Variants in IQGAP1 observed in about 807,000 individuals in gnomAD.
IQGAP1 encodes ras GTPase-activating-like protein IQGAP1.
Under a neutral mutation model 215.6 loss-of-function variants are expected in IQGAP1, and 66 were observed. That is an observed-to-expected ratio of 0.31 (90% confidence interval 0.25 to 0.38). The LOEUF is 0.38. Ranked by LOEUF, IQGAP1 falls within the 10% of genes least tolerant of loss-of-function variation. The pLI is 1.00. For missense variants in IQGAP1, 1,712 were observed against 1,997.1 expected (o/e 0.86, Z 2.72); for synonymous variants, 772 against 728.7 (o/e 1.06, Z -0.96).
chr15:90,390,840 A>G lies in IQGAP1; in HGVS notation c.122A>G (p.Tyr41Cys). Residue 41 changes from tyrosine (Y) to cysteine (C), a missense_variant, in exon 2 of 38, where the codon TAT becomes TGT. Physicochemically the swap from Tyr to Cys is radical, Grantham distance 194. Coordinates refer to ENST00000268182, the MANE Select transcript of IQGAP1 (RefSeq NM_003870.4). Reference sequence around the variant, plus strand: ...GAAAGGAGACGTCAGAACGTGGCTTATGAGTACCTTTGTCATTTGGAAGAA... The same window carrying G: ...GAAAGGAGACGTCAGAACGTGGCTTGTGAGTACCTTTGTCATTTGGAAGAA... ...MDERRRQNVAYEYLCHLEEAK... is the reference protein window; with the variant it reads ...MDERRRQNVACEYLCHLEEAK... The G allele has an allele frequency of 6.2e-7, 1 of 1,612,642 alleles. No individual in the cohort carries two copies. The highest frequency in any genetic ancestry group is 2.2e-5 in the East Asian group (1 of 44,878).
chr15:90,394,566 C>T (rs143721178), intron 2 of IQGAP1, among the ~76,000 whole-genome samples: 6 of 152,234 alleles, frequency 3.9e-5, no homozygotes, highest in African/African-American at 7.2e-5. Context: ...TTTCTCCTAC[C>T]TTGGTGAACC....
At chr15:90,400,632 T>A (rs1964791900) in intron 2 of IQGAP1, among the ~76,000 whole-genome samples, 1 of 152,162 alleles carries the variant, frequency 6.6e-6, no homozygotes, top group Non-Finnish European at 1.5e-5. Flanking sequence ...CCAGTCAAGG[T>A]TGGGGAAAAA....
Position 90,428,212 on chromosome 15 carries a change from A to G in IQGAP1, c.313-1377A>G, listed in dbSNP as rs77148867. 8.6e-3 allele frequency among the ~76,000 whole-genome samples: 1,303 copies of G among 152,078 alleles called. 37 individuals are homozygous for G. The East Asian group carries it at 0.11, about 12-fold the overall frequency. ...CTCAGCCTCCCTAGTAGTTGGGACT[A>G]TGGGAGCATGCTACTACACCAGGCT... is the stretch of plus-strand genomic sequence containing the variant. On this transcript the variant is annotated intron_variant, in intron 3 of 37. Coordinates refer to ENST00000268182, the MANE Select transcript of IQGAP1 (RefSeq NM_003870.4).
At chr15:90,474,836 T>A in intron 23 of IQGAP1, 143 bp downstream of exon 23, 1 of 625,282 alleles carries the variant, frequency 1.6e-6, no homozygotes, top group East Asian at 2.8e-5. Flanking sequence ...TTCTTTTGAC[T>A]GAGTCTCACT....
intron 18 of IQGAP1, among the ~76,000 whole-genome samples, chr15:90,469,971 C>A (rs949529850): frequency 2.4e-4 from 36 of 151,986 alleles, no homozygotes; most frequent in African/African-American, 8.0e-4. Flanking sequence ...CTAAGGAATT[C>A]AGGGTACAAC....
chr15:90,443,760 T>G (rs1402865606), intron 9 of IQGAP1, among the ~76,000 whole-genome samples: 1 of 152,184 alleles, frequency 6.6e-6, no homozygotes, highest in Non-Finnish European at 1.5e-5. Flanking sequence ...AATATTATTT[T>G]CCTGGCCAGG....
chr15:90,501,656 A>G lies in IQGAP1; in HGVS notation c.*1548A>G, dbSNP rs1345038519. ...AGCCCACAGGGAGGCATGGAGTGCC[A>G]TGGAAGGATTCGCCACTACCCAGAC... On this transcript the variant is annotated 3_prime_UTR_variant, in exon 38 of 38. Transcript: ENST00000268182. 4 of 152,240 alleles carry G rather than the reference A, an allele frequency of 2.6e-5. No individual in the cohort carries two copies. Among genetic ancestry groups the G allele is most frequent in the East Asian group, 1.9e-4 (1 of 5,200 alleles). The allele number at this position is 152,240 out of a possible 1,614,324, so 9.4% of individuals were successfully genotyped here.
chr15:90,469,388 G>T lies in IQGAP1; in HGVS notation c.2178+1796G>T, dbSNP rs995941953. On this transcript the variant is annotated intron_variant, in intron 18 of 37. Transcript: ENST00000268182. The stretch of plus-strand genomic sequence containing the variant: ...AAACTGAAATAGTCCCTTTATTTAG[G>T]AGTTAACATCAGATGGGTGATTTCT... Among the ~76,000 whole-genome samples the T allele has an allele frequency of 3.3e-5, 5 of 152,290 alleles. No individual in the cohort carries two copies. The East Asian group carries it at 9.6e-4, about 29-fold the overall frequency.
intron 2 of IQGAP1, chr15:90,393,812 G>A (rs1252204806): frequency 2.0e-5 from 3 of 152,136 alleles, no homozygotes; most frequent in Non-Finnish European, 4.4e-5. Flanking sequence ...CCCCTGAGGT[G>A]TTTTTTTGTT....
Position 90,452,904 on chromosome 15 carries a change from A to T in IQGAP1, c.1292A>T (p.Lys431Met). 2 of 1,614,122 alleles carry T rather than the reference A, an allele frequency of 1.2e-6. No individual in the cohort carries two copies. Among genetic ancestry groups the T allele is most frequent in the Non-Finnish European group, 1.7e-6 (2 of 1,179,996 alleles). ...CCATTTGCCGCCGATCTCTATCAGAAGGAGCTGGCTACCCTGCAGCGACAA... is the reference window on the plus strand; with the variant it reads ...CCATTTGCCGCCGATCTCTATCAGATGGAGCTGGCTACCCTGCAGCGACAA... The part of the protein sequence containing the change: ...VYPFAADLYQ[K>M]ELATLQRQSP... Residue 431 changes from lysine (K) to methionine (M), a missense_variant, in exon 12 of 38, where the codon AAG (lysine) becomes ATG (methionine). Around this residue, in one of 2 missense-constraint regions of IQGAP1, gnomAD observed 1,021 missense variants for 1,074.2 expected, o/e 0.95. Transcript: ENST00000268182.
At chr15:90,416,578 C>CTTTTTT (rs59801805) in intron 2 of IQGAP1, among the ~76,000 whole-genome samples, 30 of 139,300 alleles carry the variant, frequency 2.2e-4, no homozygotes, top group African/African-American at 7.2e-4. Context: ...TGTTTCCTGA[C>CTTTTTT]TTTTTTTTTT....
rs574004570 is a variant in IQGAP1, at chr15:90,402,362, G to T, written c.155+11489G>T. 6.6e-5 allele frequency among the ~76,000 whole-genome samples: 10 copies of T among 152,264 alleles called. No individual in the cohort carries two copies. In the South Asian group the frequency reaches 1.2e-3, roughly 19 times the overall value. ...ATTGGAAATTGCTTTGGATCATTTG[G>T]CAAGAACTGTATTTTTGGGGTTGTG... is the stretch of plus-strand genomic sequence containing the variant. On this transcript the variant is annotated intron_variant, in intron 2 of 37. Transcript: ENST00000268182.
intron 1 of IQGAP1, among the ~76,000 whole-genome samples, chr15:90,390,321 A>G (rs1964618108): frequency 2.6e-5 from 4 of 152,228 alleles, no homozygotes; most frequent in Admixed American, 2.0e-4. Flanking sequence ...TCGTCTGTAA[A>G]ATAGGAGTGA....
chr15:90,399,641 C>G (rs542168645), intron 2 of IQGAP1, among the ~76,000 whole-genome samples: 14 of 152,042 alleles, frequency 9.2e-5, no homozygotes, highest in Non-Finnish European at 1.9e-4. Context: ...AAAACCTTGC[C>G]AAAATTTTCA....
chr15:90,487,099 A>T lies in IQGAP1; in HGVS notation c.4160+10A>T, dbSNP rs774884535. 6.2e-7 allele frequency: 1 copy of T among 1,613,822 alleles called. No homozygotes were observed. The highest frequency in any genetic ancestry group is 1.7e-5 in the Admixed American group (1 of 59,984). On this transcript the variant is annotated intron_variant, in intron 32 of 37. Coordinates refer to ENST00000268182, the MANE Select transcript of IQGAP1 (RefSeq NM_003870.4). ...GAACCATCTTACTGAAGTGAGTATC[A>T]AAAGAAGGAAGAATGAAATGAATGT...
intron 2 of IQGAP1, among the ~76,000 whole-genome samples, chr15:90,409,871 G>T (rs1020931307): frequency 6.6e-6 from 1 of 152,132 alleles, no homozygotes; most frequent in Non-Finnish European, 1.5e-5. Context: ...TCTCATTGTG[G>T]TTTTGATTTG....
intron 22 of IQGAP1, 39 bp from the exon 23 acceptor site, chr15:90,474,446 T>C: frequency 6.8e-7 from 1 of 1,473,046 alleles, no homozygotes; most frequent in Non-Finnish European, 9.5e-7. Flanking sequence ...GTAGTACTTT[T>C]TCTGCTAACT....
intron 28 of IQGAP1, chr15:90,483,134 C>G (rs753679549): frequency 3.6e-4 from 166 of 455,890 alleles, no homozygotes; most frequent in Middle Eastern, 3.0e-3. Flanking sequence ...CAGTAGTTTT[C>G]AGTTCTGTTC....
Position 90,432,689 on chromosome 15 carries a change from C to G in IQGAP1, c.391-1030C>G, listed in dbSNP as rs547210659. Among the ~76,000 whole-genome samples the G allele has an allele frequency of 8.5e-5, 13 of 152,260 alleles. No individual in the cohort carries two copies. In the South Asian group the frequency reaches 2.7e-3, roughly 32 times the overall value. Reference sequence around the variant, plus strand: ...TTTGCTTTATTTATTCTGGCTATTTCTCTTATTTGGAAGGCCTTTTGCTCT... The same window carrying G: ...TTTGCTTTATTTATTCTGGCTATTTGTCTTATTTGGAAGGCCTTTTGCTCT... On this transcript the variant is annotated intron_variant, in intron 4 of 37. Transcript: ENST00000268182.
Sources: allele counts gnomAD v4.1 joint callset (sites outside exome capture counted in the v4.1 genomes callset), GRCh38; gene constraint gnomAD v4.1.1; regional missense constraint gnomAD v4.1.1; transcripts MANE v1.5; gene names NCBI Gene and HGNC (gene_info 2026-07-23, HGNC 2026-07-21).